Variants in CCDC25 observed in about 807,000 individuals in gnomAD.
CCDC25 encodes coiled-coil domain-containing protein 25.
A neutral mutation model predicts 35.3 loss-of-function variants in CCDC25; 16 were observed. The observed-to-expected ratio is 0.45, with a 90% CI of 0.31 to 0.69. CCDC25 has a LOEUF of 0.69. Ranked by LOEUF, CCDC25 falls within the 30% of genes least tolerant of loss-of-function variation. The pLI is 0.06. For synonymous variants in CCDC25, 79 were observed against 80.3 expected, an observed-to-expected ratio of 0.98 and a Z score of 0.09; for missense variants, 179 against 250.7, an observed-to-expected ratio of 0.71 and a Z score of 1.93.
intron 1 of CCDC25, among the ~76,000 whole-genome samples, chr8:27,770,664 G>C (rs1217389399): frequency 1.3e-5 from 2 of 150,488 alleles, no homozygotes; most frequent in Non-Finnish European, 3.0e-5. Flanking sequence ...GCTTGAACCC[G>C]GGAGGCAGAG....
At chr8:27,768,055 T>A (rs1436081906) in intron 1 of CCDC25, among the ~76,000 whole-genome samples, 1 of 150,180 alleles carries the variant, frequency 6.7e-6, no homozygotes, top group Non-Finnish European at 1.5e-5. Flanking sequence ...AAAATTTTTT[T>A]AATTAGCTGG....
chr8:27,768,469 G>GC (rs1425556760), intron 1 of CCDC25, among the ~76,000 whole-genome samples: 1 of 150,272 alleles, frequency 6.7e-6, no homozygotes, highest in Non-Finnish European at 1.5e-5. Context: ...GGAGGCTGAG[G>GC]CAAGAGAATC....
chr8:27,764,839 A>G (rs1804345992), intron 2 of CCDC25, among the ~76,000 whole-genome samples: 1 of 152,108 alleles, frequency 6.6e-6, no homozygotes, highest in Non-Finnish European at 1.5e-5. Flanking sequence ...ATGTTACTTC[A>G]TTTTGTCTAT....
chr8:27,762,515 G>T, intron 2 of CCDC25, 57 bp from the exon 3 acceptor site: 1 of 1,518,644 alleles, frequency 6.6e-7, no homozygotes, highest in South Asian at 1.2e-5. Flanking sequence ...AGATATGCCA[G>T]GGTTTATAAG....
At chr8:27,768,454 A>T (rs1014193563) in intron 1 of CCDC25, among the ~76,000 whole-genome samples, 3 of 151,592 alleles carry the variant, frequency 2.0e-5, no homozygotes, top group Non-Finnish European at 4.4e-5. Flanking sequence ...AATCCCAGCT[A>T]CTAAGGAGGC....
In CCDC25 at chr8:27,762,444, T is replaced by C; in HGVS notation, c.91A>G (p.Lys31Glu). The C allele has an allele frequency of 1.2e-6, 2 of 1,613,480 alleles. No homozygotes were observed. Among genetic ancestry groups the C allele is most frequent in the Non-Finnish European group, 1.7e-6 (2 of 1,179,790 alleles). ...KDKYENEDLI[K>E]HGWPEDIWFH... ...CAGATATCTTCAGGCCAGCCATGCT[T>C]GATCAGATCTTCATCTGCAATGAGA... Residue 31 changes from lysine (K) to glutamate (E), a missense_variant, in exon 3 of 9, where the codon AAG becomes GAG. Transcript: ENST00000356537.
At chr8:27,748,830 G>A (rs1480864258) in intron 5 of CCDC25, among the ~76,000 whole-genome samples, 3 of 152,300 alleles carry the variant, frequency 2.0e-5, no homozygotes, top group South Asian at 2.1e-4. Context: ...CCATGGATTA[G>A]CTTCAGGGAC....
At chr8:27,772,170 G>A (rs777084366) in intron 1 of CCDC25, 1 of 408,368 alleles carries the variant, frequency 2.4e-6, no homozygotes, top group Non-Finnish European at 4.5e-6. Flanking sequence ...CAGATGGAAG[G>A]TGGGAAGAAG....
intron 3 of CCDC25, among the ~76,000 whole-genome samples, chr8:27,758,211 A>G (rs887763994): frequency 1.3e-5 from 2 of 152,248 alleles, no homozygotes; most frequent in African/African-American, 4.8e-5. Context: ...AGGCATCATT[A>G]CATCCCATTA....
At chr8:27,743,251 G>A (rs1010138172) in intron 7 of CCDC25, among the ~76,000 whole-genome samples, 4 of 152,208 alleles carry the variant, frequency 2.6e-5, no homozygotes, top group African/African-American at 7.2e-5. Flanking sequence ...TACCATCTGT[G>A]ATGTGGAATG....
chr8:27,749,805 T>C (rs1289993562), intron 5 of CCDC25, among the ~76,000 whole-genome samples: 1 of 152,198 alleles, frequency 6.6e-6, no homozygotes, highest in African/African-American at 2.4e-5. Context: ...TAAGACAACG[T>C]CCATGTTCTT....
At position 27,755,712 on chromosome 8, in the gene CCDC25, G is replaced by A. The variant is rs116874583; in HGVS notation, c.168+1007C>T. On this transcript the variant is annotated intron_variant, in intron 4 of 8. Coordinates refer to ENST00000356537, the MANE Select transcript of CCDC25 (RefSeq NM_018246.3). ...ATACACGCACCCGATATGCTGTGAC[G>A]AGACAGGCACTTCACCTCTGTGATA... Among the ~76,000 whole-genome samples the A allele has an allele frequency of 7.6e-4, 115 of 152,306 alleles. 1 individual carries two copies. The highest frequency in any genetic ancestry group is 1.7e-3 in the Admixed American group (26 of 15,298).
intron 5 of CCDC25, among the ~76,000 whole-genome samples, chr8:27,749,340 C>A (rs2128939494): frequency 6.6e-6 from 1 of 152,330 alleles, no homozygotes; most frequent in African/African-American, 2.4e-5. Flanking sequence ...GATTTCAATG[C>A]TTATTAAATC....
chr8:27,738,136 G>A (rs187322704), intron 8 of CCDC25, among the ~76,000 whole-genome samples: 32 of 152,190 alleles, frequency 2.1e-4, no homozygotes, highest in African/African-American at 7.0e-4. Flanking sequence ...GGGGGTGAGG[G>A]ATAAAAGACT....
At chr8:27,745,519 A>AC (rs2128938014) in intron 7 of CCDC25, among the ~76,000 whole-genome samples, 1 of 152,404 alleles carries the variant, frequency 6.6e-6, no homozygotes, top group South Asian at 2.1e-4. Context: ...TGCAAAATTA[A>AC]AACAGGTAAT....
At chr8:27,736,526 T>C (rs549260903) in intron 8 of CCDC25, among the ~76,000 whole-genome samples, 143 of 152,310 alleles carry the variant, frequency 9.4e-4, no homozygotes, top group Admixed American at 2.2e-3. Context: ...CCTGACCTAG[T>C]ATAGTGCAAA....
At position 27,744,477 on chromosome 8, in the gene CCDC25, C is replaced by T. The variant is rs764391822; in HGVS notation, c.551+3600G>A. 5.9e-5 allele frequency among the ~76,000 whole-genome samples: 9 copies of T among 151,948 alleles called. No homozygotes were observed. In the South Asian group the frequency reaches 6.2e-4, roughly 11 times the overall value. ...GCAGTGGCAGTGTGTATAAGATAAA[C>T]AAAAAAAGGTACAAAGAAGTTGGTT... On this transcript the variant is annotated intron_variant, in intron 7 of 8. Transcript: ENST00000356537.
rs1803185616 is a variant in CCDC25 at position 27,735,410 on chromosome 8, A to C, written c.*806T>G. 1 of 152,206 alleles carries C rather than the reference A, an allele frequency of 6.6e-6. No homozygotes were observed. The highest frequency in any genetic ancestry group is 1.5e-5 in the Non-Finnish European group (1 of 68,044). 9.4% of individuals were successfully genotyped at this position (152,206 alleles called of 1,614,324 possible). ...GCTTCACGCTGCATCCTAAGGCACA[A>C]ATCAGGTAACCTACATCTCCCAAAT... On this transcript the variant is annotated 3_prime_UTR_variant, in exon 9 of 9. Coordinates refer to ENST00000356537, the MANE Select transcript of CCDC25 (RefSeq NM_018246.3).
At chr8:27,762,362 C>G (rs537393107) in intron 3 of CCDC25, 57 bp downstream of exon 3, 2 of 1,492,796 alleles carry the variant, frequency 1.3e-6, no homozygotes, top group Non-Finnish European at 1.9e-6. Flanking sequence ...AATGCTTGGC[C>G]AAGTCTAAGA....
Sources: allele counts gnomAD v4.1 joint callset (sites outside exome capture counted in the v4.1 genomes callset), GRCh38; gene constraint gnomAD v4.1.1; transcripts MANE v1.5; gene names NCBI Gene and HGNC (gene_info 2026-07-23, HGNC 2026-07-21).